The following PDZRN3 variants were observed in gnomAD, a reference collection of about 807,000 sequenced individuals.
The protein encoded by PDZRN3 is PDZ domain containing ring finger 3.
In PDZRN3, 38 loss-of-function variants were observed where a neutral mutation model predicts 85.7. The observed-to-expected ratio is 0.44, with a 90% CI of 0.34 to 0.58. The LOEUF is 0.58. Among genes scored for constraint, PDZRN3 ranks in the 20% least tolerant of loss-of-function variants. PDZRN3 has a pLI of 0.01. For synonymous variants in PDZRN3, 759 were observed against 638.0 expected, an observed-to-expected ratio of 1.19 and a Z score of -2.86; for missense variants, 1,629 against 1,506.4, an observed-to-expected ratio of 1.08 and a Z score of -1.35.
intron 3 of PDZRN3, among the ~76,000 whole-genome samples, chr3:73,586,199 A>G (rs1702274309): frequency 6.6e-6 from 1 of 152,182 alleles, no homozygotes; most frequent in African/African-American, 2.4e-5. Context: ...CCCTGCTTCT[A>G]AAGAAAGGAA....
chr3:73,612,066 T>C (rs962188902), intron 1 of PDZRN3, among the ~76,000 whole-genome samples: 2 of 152,178 alleles, frequency 1.3e-5, no homozygotes, highest in African/African-American at 2.4e-5. Flanking sequence ...CCAATATTGG[T>C]CTGTTTGGGT....
At chr3:73,541,623 T>A (rs1704923437) in intron 3 of PDZRN3, among the ~76,000 whole-genome samples, 1 of 152,232 alleles carries the variant, frequency 6.6e-6, no homozygotes, top group South Asian at 2.1e-4. Context: ...GTCATTTTTC[T>A]ACATTATATA....
chr3:73,550,010 G>C (rs1701514625), intron 3 of PDZRN3, among the ~76,000 whole-genome samples: 1 of 152,232 alleles, frequency 6.6e-6, no homozygotes, highest in African/African-American at 2.4e-5. Context: ...TTAGCAAACA[G>C]AGGGTATGGT....
chr3:73,529,055 G>T (rs564786661), intron 3 of PDZRN3, among the ~76,000 whole-genome samples: 1 of 152,238 alleles, frequency 6.6e-6, no homozygotes, highest in South Asian at 2.1e-4. Context: ...TATTTCAGGG[G>T]TTTTTGTTTT....
chr3:73,399,441 A>C (rs183952204), intron 5 of PDZRN3, among the ~76,000 whole-genome samples: 1 of 152,304 alleles, frequency 6.6e-6, no homozygotes, highest in East Asian at 1.9e-4. Context: ...GTAGATAGTC[A>C]AGATTCTCAG....
At chr3:73,556,282 C>T (rs1231325509) in intron 3 of PDZRN3, among the ~76,000 whole-genome samples, 1 of 151,652 alleles carries the variant, frequency 6.6e-6, no homozygotes, top group Non-Finnish European at 1.5e-5. Context: ...GTTTCAGAAA[C>T]TAAGGATATA....
rs939556694 is a variant in PDZRN3, at chr3:73,600,072, G to A, written c.918+2282C>T. Among the ~76,000 whole-genome samples the A allele has an allele frequency of 2.0e-5, 3 of 152,148 alleles. No individual in the cohort carries two copies. The East Asian group carries it at 5.8e-4, about 29-fold the overall frequency. ...TTATAAAAAAACAGGGAGGAGCTGG[G>A]CTGGCACCGATGTGGGTAAGAGCCG... On this transcript the variant is annotated intron_variant, in intron 3 of 9. Transcript: ENST00000263666.
At chr3:73,443,009 G>A (rs1303133726) in intron 3 of PDZRN3, among the ~76,000 whole-genome samples, 2 of 152,172 alleles carry the variant, frequency 1.3e-5, no homozygotes, top group Non-Finnish European at 2.9e-5. Flanking sequence ...CCTGAAGGGA[G>A]GCTGTGTCTC....
chr3:73,454,315 G>A (rs1305804680), intron 3 of PDZRN3, among the ~76,000 whole-genome samples: 1 of 152,142 alleles, frequency 6.6e-6, no homozygotes, highest in African/African-American at 2.4e-5. Flanking sequence ...GTAGGGAGAG[G>A]AAGGGGCCTA....
chr3:73,614,635 C>T (rs1371353018), intron 1 of PDZRN3, among the ~76,000 whole-genome samples: 1 of 152,198 alleles, frequency 6.6e-6, no homozygotes, highest in Non-Finnish European at 1.5e-5. Context: ...AGTCTTCACA[C>T]AGCTGGGAAA....
intron 3 of PDZRN3, among the ~76,000 whole-genome samples, chr3:73,563,601 C>T (rs1414495412): frequency 6.6e-6 from 1 of 152,138 alleles, no homozygotes; most frequent in African/African-American, 2.4e-5. Context: ...TGGGCTTCTG[C>T]AAATTTCCTA....
intron 3 of PDZRN3, among the ~76,000 whole-genome samples, chr3:73,541,786 C>T (rs1344444300): frequency 6.6e-6 from 1 of 152,218 alleles, no homozygotes; most frequent in South Asian, 2.1e-4. Flanking sequence ...GTATTTTACA[C>T]TGTGGTGTTT....
In PDZRN3 at chr3:73,542,698, C is replaced by T. The variant is rs183919370; in HGVS notation, c.918+59656G>A. Among the ~76,000 whole-genome samples, 29 of 151,944 alleles carry T rather than the reference C, an allele frequency of 1.9e-4. No homozygotes were observed. In the East Asian group the frequency reaches 5.0e-3, roughly 26 times the overall value. On this transcript the variant is annotated intron_variant, in intron 3 of 9. Transcript: ENST00000263666. ...CTGAGGCAGGAGAATTGCTTGAACC[C>T]GGGAGGTGGAGGTTGCAGTGAGCCA...
rs1701298618 is a variant in PDZRN3, at chr3:73,384,269, C to G, written c.2297G>C (p.Ser766Thr). Reference protein sequence around the residue: ...SAYNTGESCRSTPLTLEISPD... With the variant: ...SAYNTGESCRTTPLTLEISPD... Reference sequence around the variant, plus strand: ...GGAGATCTCCAGGGTGAGCGGGGTGCTGCGGCAGCTCTCGCCTGTGTTGTA... The same window carrying G: ...GGAGATCTCCAGGGTGAGCGGGGTGGTGCGGCAGCTCTCGCCTGTGTTGTA... The change falls in exon 10 of 10, where the codon AGC becomes ACC. Residue 766 changes from serine to threonine, a missense_variant. Coordinates refer to ENST00000263666, the MANE Select transcript of PDZRN3 (RefSeq NM_015009.3). The G allele has an allele frequency of 6.2e-7, 1 of 1,612,812 alleles. No individual in the cohort carries two copies. Among genetic ancestry groups the G allele is most frequent in the Non-Finnish European group, 8.5e-7 (1 of 1,179,718 alleles).
At chr3:73,405,329 C>T (rs1166573986) in intron 3 of PDZRN3, among the ~76,000 whole-genome samples, 3 of 152,172 alleles carry the variant, frequency 2.0e-5, no homozygotes, top group South Asian at 2.1e-4. Context: ...AAATCAAAGT[C>T]GTTCCAAGTT....
intron 9 of PDZRN3, 44 bp downstream of exon 9, chr3:73,385,625 A>C: frequency 8.4e-7 from 1 of 1,193,944 alleles, no homozygotes; most frequent in Non-Finnish European, 1.2e-6. Flanking sequence ...ATTTTCCTCC[A>C]GCTCAGCAGG....
intron 3 of PDZRN3, among the ~76,000 whole-genome samples, chr3:73,534,743 A>G (rs1317160007): frequency 6.6e-6 from 1 of 152,212 alleles, no homozygotes; most frequent in Non-Finnish European, 1.5e-5. Context: ...CTTGTAGATA[A>G]TATCTTTTGA....
chr3:73,465,628 T>C (rs915447762), intron 3 of PDZRN3, among the ~76,000 whole-genome samples: 1 of 152,234 alleles, frequency 6.6e-6, no homozygotes, highest in Non-Finnish European at 1.5e-5. Context: ...ACGATTATTG[T>C]TGTACATTAT....
At chr3:73,486,037 A>T (rs963396743) in intron 3 of PDZRN3, among the ~76,000 whole-genome samples, 1 of 152,258 alleles carries the variant, frequency 6.6e-6, no homozygotes, top group African/African-American at 2.4e-5. Context: ...AATGCGGCTG[A>T]GCAGATTTTG....
Sources: gnomAD v4.1 joint callset for allele counts (sites outside exome capture counted in the v4.1 genomes callset) on GRCh38, gnomAD v4.1.1 for gene constraint, MANE v1.5 for transcripts, NCBI Gene and HGNC (gene_info 2026-07-23, HGNC 2026-07-21) for gene names.